The following KDM6A variants were observed in gnomAD, a reference collection of about 807,000 sequenced individuals.
KDM6A encodes the protein lysine-specific demethylase 6A.
In KDM6A, 11 loss-of-function variants were observed where a neutral mutation model predicts 117.6. The ratio of observed to expected loss-of-function variants is 0.09; its 90% CI spans 0.06 to 0.15. The LOEUF (loss-of-function observed/expected upper bound fraction) is 0.15. Among genes scored for constraint, KDM6A ranks in the 10% least tolerant of loss-of-function variants. The pLI is 1.00. For synonymous variants in KDM6A, 384 were observed against 396.1 expected, an observed-to-expected ratio of 0.97 and a Z score of 0.36; for missense variants, 799 against 1,077.3, an observed-to-expected ratio of 0.74 and a Z score of 3.62.
chrX:45,003,697 A>ATC (rs754445669), intron 4 of KDM6A, among the ~76,000 whole-genome samples: 51 of 106,135 alleles, frequency 4.8e-4, no homozygotes, highest in East Asian at 2.4e-3. Context: ...TTTACTACTT[A>ATC]TCTCTCTCTC....
chrX:44,987,408 A>G (rs917998532), intron 4 of KDM6A, among the ~76,000 whole-genome samples: 3 of 111,046 alleles, frequency 2.7e-5, no homozygotes, highest in African/African-American at 9.8e-5. Context: ...CCCATTTCCA[A>G]TTAAGGTTAA....
At chrX:45,002,513 A>C (rs2041191788) in intron 4 of KDM6A, among the ~76,000 whole-genome samples, 1 of 112,390 alleles carries the variant, frequency 8.9e-6, no homozygotes, top group African/African-American at 3.2e-5. Context: ...CCTTTAAAAC[A>C]AAATATATTT....
chrX:44,939,947 C>T (rs745628841), intron 2 of KDM6A, among the ~76,000 whole-genome samples: 1 of 112,490 alleles, frequency 8.9e-6, no homozygotes, highest in African/African-American at 3.2e-5. Context: ...TTTTTATATG[C>T]ACTGGGAAAC....
intron 5 of KDM6A, among the ~76,000 whole-genome samples, chrX:45,012,197 A>ATTTTTTTTTTTTTTTT (rs760991442): frequency 1.2e-4 from 8 of 69,070 alleles, no homozygotes; most frequent in African/African-American, 4.4e-4. Flanking sequence ...CCCAATGTAG[A>ATTTTTTTTTTTTTTTT]TTTTTTTTTT....
intron 4 of KDM6A, among the ~76,000 whole-genome samples, chrX:45,002,772 A>G (rs1057227891): frequency 1.8e-5 from 2 of 109,583 alleles, no homozygotes; most frequent in Admixed American, 9.8e-5. Flanking sequence ...CTTGTTGCAA[A>G]CATCCCTTTC....
intron 2 of KDM6A, among the ~76,000 whole-genome samples, chrX:44,941,233 G>A (rs1160620420): frequency 1.8e-5 from 2 of 111,411 alleles, no homozygotes; most frequent in African/African-American, 6.5e-5. Context: ...CATTGCTTTT[G>A]TATCAGTTCA....
chrX:45,077,090 A>C (rs773133455), intron 19 of KDM6A, among the ~76,000 whole-genome samples: 1 of 110,488 alleles, frequency 9.1e-6, no homozygotes, highest in Non-Finnish European at 1.9e-5. Flanking sequence ...CGTTAGGAAA[A>C]AGCTACCTAA....
intron 4 of KDM6A, among the ~76,000 whole-genome samples, chrX:45,007,860 C>T (rs2041575483): frequency 8.9e-6 from 1 of 112,159 alleles, no homozygotes; most frequent in Admixed American, 9.5e-5. Context: ...TTCTCTGATG[C>T]AGTTTCTTCA....
chrX:44,946,506 G>A (rs2037638892), intron 2 of KDM6A, among the ~76,000 whole-genome samples: 1 of 111,292 alleles, frequency 9.0e-6, no homozygotes, highest in Admixed American at 9.5e-5. Flanking sequence ...TCTCAGTTGT[G>A]GCTTGCCTTT....
chrX:45,071,113 TGTC>T (rs2044810933), intron 18 of KDM6A, among the ~76,000 whole-genome samples: 1 of 112,478 alleles, frequency 8.9e-6, no homozygotes, highest in Non-Finnish European at 1.9e-5. Context: ...TTGTAGTTGT[TGTC>T]CTCTATAAGT....
rs764020116 is a variant in KDM6A at position 44,989,230 on chromosome X, C to T, written c.384+14515C>T. ...AGACACGGGATATAATCTGGTATGC[C>T]GTTTGCTAAGACTGTTGGAAAAGCG... On this transcript the variant is annotated intron_variant, in intron 4 of 29. Coordinates refer to ENST00000611820, the MANE Select transcript of KDM6A (RefSeq NM_001291415.2). 8.0e-5 allele frequency among the ~76,000 whole-genome samples: 8 copies of T among 99,604 alleles called. No homozygotes were observed. In the South Asian group the frequency reaches 4.2e-3, roughly 52 times the overall value. The allele number at this position is 99,604 out of a possible 115,157, so 86.5% of individuals were successfully genotyped here.
intron 2 of KDM6A, among the ~76,000 whole-genome samples, chrX:44,910,552 G>A (rs764944902): frequency 9.4e-6 from 1 of 106,527 alleles, no homozygotes; most frequent in Non-Finnish European, 1.9e-5. Context: ...CGCAGAGGGG[G>A]ATTTGGCAGG....
At chrX:44,890,873 C>T (rs750207013) in intron 2 of KDM6A, among the ~76,000 whole-genome samples, 7 of 109,120 alleles carry the variant, frequency 6.4e-5, no homozygotes, top group African/African-American at 2.0e-4. Context: ...CAGGCTGGCT[C>T]GAACTCCTGA....
intron 7 of KDM6A, among the ~76,000 whole-genome samples, chrX:45,037,380 G>T (rs904607831): frequency 8.9e-6 from 1 of 111,990 alleles, no homozygotes; most frequent in Non-Finnish European, 1.9e-5. Context: ...ACTTGCTATA[G>T]ATTTAATGCT....
chrX:45,043,067 A>G (rs1214957248), intron 8 of KDM6A, among the ~76,000 whole-genome samples: 1 of 112,119 alleles, frequency 8.9e-6, no homozygotes, highest in Non-Finnish European at 1.9e-5. Context: ...AGGTGGGTGG[A>G]TCACTTGAGC....
At chrX:45,103,582 A>G (rs896905620) in intron 27 of KDM6A, among the ~76,000 whole-genome samples, 1 of 112,049 alleles carries the variant, frequency 8.9e-6, no homozygotes, top group African/African-American at 3.2e-5. Context: ...ATTTGTCTAC[A>G]TATTATTTTA....
chrX:44,881,168 C>T lies in KDM6A; in HGVS notation c.225+7181C>T, dbSNP rs200139957. Among the ~76,000 whole-genome samples the T allele has an allele frequency of 1.9e-4, 21 of 112,755 alleles. No homozygotes were observed. In the East Asian group the frequency reaches 3.9e-3, roughly 21 times the overall value. ...CTGTAACCTGGGCCGGGCGCGGTGG[C>T]GCATGCCTGTAATCCCAGCACTTTG... On this transcript the variant is annotated intron_variant, in intron 2 of 29. Transcript: ENST00000611820.
intron 27 of KDM6A, chrX:45,106,917 A>G (rs2046549620): frequency 5.1e-6 from 1 of 195,647 alleles, no homozygotes; most frequent in African/African-American, 3.0e-5. Flanking sequence ...TTCTGCTTAT[A>G]GACTTGAGTT....
chrX:45,025,779 C>A (rs768540511), intron 6 of KDM6A, among the ~76,000 whole-genome samples: 3 of 112,159 alleles, frequency 2.7e-5, no homozygotes, highest in Non-Finnish European at 3.8e-5. Flanking sequence ...CAACTTAGAA[C>A]TCTTTTGGGA....
Sources: allele counts gnomAD v4.1 joint callset (sites outside exome capture counted in the v4.1 genomes callset), GRCh38; gene constraint gnomAD v4.1.1; transcripts MANE v1.5; gene names NCBI Gene and HGNC (gene_info 2026-07-23, HGNC 2026-07-21).